The following GALNT10 variants were observed in gnomAD, a reference collection of about 807,000 sequenced individuals.
The protein encoded by GALNT10 is polypeptide N-acetylgalactosaminyltransferase 10.
GALNT10 carries 41 observed loss-of-function variants against 75.0 expected under a neutral mutation model. That is an observed-to-expected ratio of 0.55 (90% confidence interval 0.43 to 0.71). GALNT10 has a LOEUF of 0.71. Ranked by LOEUF, GALNT10 falls within the 30% of genes least tolerant of loss-of-function variation. GALNT10 has a pLI of 0.00. For synonymous variants in GALNT10, 302 were observed against 313.0 expected (o/e 0.96, Z 0.37); for missense variants, 727 against 818.5 (o/e 0.89, Z 1.36).
intron 4 of GALNT10, chr5:154,356,358 G>A: frequency 2.7e-6 from 1 of 372,936 alleles, no homozygotes; most frequent in South Asian, 2.0e-5. Flanking sequence ...GTGAAGCAGG[G>A]TACTGTGAGG....
At chr5:154,263,293 G>T (rs577471) in intron 1 of GALNT10, among the ~76,000 whole-genome samples, 99,126 of 152,044 alleles carry the variant, frequency 0.65, 32,709 homozygotes, top group East Asian at 0.86. Context: ...TATATATACC[G>T]ACTGTGGAAT....
intron 1 of GALNT10, among the ~76,000 whole-genome samples, chr5:154,211,399 G>T (rs898664938): frequency 6.6e-6 from 1 of 152,168 alleles, no homozygotes; most frequent in Non-Finnish European, 1.5e-5. Flanking sequence ...CATGAAGCCA[G>T]TGTGTCTCAG....
chr5:154,406,982 A>G (rs1241490146), intron 8 of GALNT10, among the ~76,000 whole-genome samples: 1 of 152,198 alleles, frequency 6.6e-6, no homozygotes, highest in East Asian at 1.9e-4. Flanking sequence ...TTGAGGTAGA[A>G]GCAGTTCAGG....
intron 1 of GALNT10, among the ~76,000 whole-genome samples, chr5:154,262,972 A>G (rs1362829322): frequency 1.3e-5 from 2 of 152,114 alleles, no homozygotes; most frequent in African/African-American, 4.8e-5. Flanking sequence ...AAAAAGCTAT[A>G]AAAGCAATTT....
intron 7 of GALNT10, chr5:154,388,347 A>C (rs1384231954): frequency 1.3e-5 from 2 of 152,268 alleles, no homozygotes; most frequent in Non-Finnish European, 2.9e-5. Flanking sequence ...TACCAGCTAT[A>C]AACAATGGTG....
At chr5:154,406,722 G>A (rs1023422465) in intron 8 of GALNT10, among the ~76,000 whole-genome samples, 1 of 152,146 alleles carries the variant, frequency 6.6e-6, no homozygotes, top group Non-Finnish European at 1.5e-5. Context: ...GCTTGAACCC[G>A]GGAGGCGGAA....
chr5:154,417,574 A>C lies in GALNT10; in HGVS notation c.*602A>C, dbSNP rs1420322065. ...GTCAAAGGCCATACTTGGGGCCCTA[A>C]GAGTGTTCAGTATTGAATGCTGATC... is the stretch of plus-strand genomic sequence containing the variant. On this transcript the variant is annotated 3_prime_UTR_variant, in exon 12 of 12. Transcript: ENST00000297107. The C allele has an allele frequency of 6.5e-6, 1 of 153,214 alleles. No homozygotes were observed. Among genetic ancestry groups the C allele is most frequent in the African/African-American group, 2.4e-5 (1 of 41,458 alleles). 9.5% of individuals were successfully genotyped at this position (153,214 alleles called of 1,614,324 possible).
chr5:154,407,296 C>T (rs1582017362), intron 8 of GALNT10, among the ~76,000 whole-genome samples: 2 of 152,134 alleles, frequency 1.3e-5, no homozygotes, highest in East Asian at 3.9e-4. Flanking sequence ...ATCCCAAGGT[C>T]CTTTTTATGT....
chr5:154,320,448 C>A (rs1754656018), intron 3 of GALNT10, among the ~76,000 whole-genome samples: 1 of 152,102 alleles, frequency 6.6e-6, no homozygotes, highest in Non-Finnish European at 1.5e-5. Flanking sequence ...CCCGTGGACC[C>A]CAGGCAATTT....
intron 4 of GALNT10, among the ~76,000 whole-genome samples, chr5:154,343,838 T>C (rs902543640): frequency 6.6e-6 from 1 of 152,160 alleles, no homozygotes; most frequent in Admixed American, 6.5e-5. Context: ...TTCCTCAATA[T>C]GAGCCCACTT....
At chr5:154,232,170 C>T (rs924809080) in intron 1 of GALNT10, among the ~76,000 whole-genome samples, 1 of 152,222 alleles carries the variant, frequency 6.6e-6, no homozygotes, top group Non-Finnish European at 1.5e-5. Flanking sequence ...CCCACCTCTA[C>T]CTCTTAGTGC....
At chr5:154,370,189 C>T (rs148992314) in intron 4 of GALNT10, among the ~76,000 whole-genome samples, 2 of 152,334 alleles carry the variant, frequency 1.3e-5, no homozygotes, top group Non-Finnish European at 2.9e-5. Flanking sequence ...GACCTGCTTC[C>T]CTCACAGGGT....
intron 10 of GALNT10, among the ~76,000 whole-genome samples, chr5:154,415,295 T>C (rs1342396861): frequency 6.6e-6 from 1 of 152,134 alleles, no homozygotes; most frequent in Non-Finnish European, 1.5e-5. Flanking sequence ...AGGGTAAGGA[T>C]AGGGGTGGAA....
At chr5:154,328,236 T>A (rs1205467697) in intron 3 of GALNT10, among the ~76,000 whole-genome samples, 6 of 152,124 alleles carry the variant, frequency 3.9e-5, no homozygotes, top group Non-Finnish European at 1.5e-5. Flanking sequence ...CAACTAGATG[T>A]TTGATGATAT....
At chr5:154,397,940 G>A (rs1049002088) in intron 7 of GALNT10, among the ~76,000 whole-genome samples, 1 of 152,130 alleles carries the variant, frequency 6.6e-6, no homozygotes, top group Admixed American at 6.5e-5. Flanking sequence ...ATCACCACTC[G>A]TTTCTTTCCC....
rs569276309 is a variant in GALNT10 at position 154,306,263 on chromosome 5, A to T, written c.401+8184A>T. Among the ~76,000 whole-genome samples, 44 of 152,336 alleles carry T rather than the reference A, an allele frequency of 2.9e-4. No individual in the cohort carries two copies. In the South Asian group the frequency reaches 7.9e-3, roughly 27 times the overall value. On this transcript the variant is annotated intron_variant, in intron 3 of 11. Transcript: ENST00000297107. ...GGATATGAAACATTTACCAAGATAG[A>T]TTATATTTTGGGCCAGAAAACAAGT...
At chr5:154,265,342 A>G (rs1431143899) in intron 1 of GALNT10, among the ~76,000 whole-genome samples, 1 of 152,160 alleles carries the variant, frequency 6.6e-6, no homozygotes, top group Non-Finnish European at 1.5e-5. Flanking sequence ...GGGACCTCAG[A>G]ATGTCTTCAA....
intron 1 of GALNT10, among the ~76,000 whole-genome samples, chr5:154,280,778 A>G (rs74729619): frequency 0.024 from 3,583 of 152,286 alleles, 81 homozygotes; most frequent in Middle Eastern, 0.034. Flanking sequence ...ACTTAGGTCT[A>G]TGATCTATTT....
intron 1 of GALNT10, among the ~76,000 whole-genome samples, chr5:154,263,860 C>T (rs1753737606): frequency 3.9e-5 from 6 of 152,172 alleles, no homozygotes; most frequent in Admixed American, 3.9e-4. Flanking sequence ...CAAACATTCA[C>T]ACCATAGCAC....
Sources: gnomAD v4.1 joint callset for allele counts (sites outside exome capture counted in the v4.1 genomes callset) on GRCh38, gnomAD v4.1.1 for gene constraint, MANE v1.5 for transcripts, NCBI Gene and HGNC (gene_info 2026-07-23, HGNC 2026-07-21) for gene names.